COQ10B: variants seen among roughly 807,000 people sequenced by gnomAD.
COQ10B encodes coenzyme Q-binding protein COQ10 homolog B, mitochondrial.
Under a neutral mutation model 27.6 loss-of-function variants are expected in COQ10B, and 12 were observed. The ratio of observed to expected loss-of-function variants is 0.43; its 90% confidence interval spans 0.28 to 0.70. The LOEUF (loss-of-function observed/expected upper bound fraction) is 0.70, where lower values mean the gene tolerates loss of function less well. Ranked by LOEUF, COQ10B falls within the 30% of genes least tolerant of loss-of-function variation. The pLI is 0.17. For missense variants in COQ10B, 278 were observed against 288.7 expected, an observed-to-expected ratio of 0.96 and a Z score of 0.27; for synonymous variants, 115 against 103.0, an observed-to-expected ratio of 1.12 and a Z score of -0.71.
intron 1 of COQ10B, 120 bp downstream of exon 1, chr2:197,453,784 A>G: frequency 8.5e-6 from 9 of 1,054,812 alleles, no homozygotes; most frequent in Non-Finnish European, 1.1e-5. Flanking sequence ...GTGTCTTTAG[A>G]GGAGAAGGCT....
intron 1 of COQ10B, among the ~76,000 whole-genome samples, chr2:197,458,141 C>T (rs374845709): frequency 1.0e-4 from 15 of 144,602 alleles, no homozygotes; most frequent in East Asian, 1.0e-3. Context: ...TCTTTTGAGA[C>T]GGAGAATCAC....
At chr2:197,464,355 G>C (rs2085801403) in intron 3 of COQ10B, among the ~76,000 whole-genome samples, 1 of 151,968 alleles carries the variant, frequency 6.6e-6, no homozygotes. Flanking sequence ...ATAATTTCTT[G>C]GTAAGTGGCC....
At chr2:197,458,915 C>T (rs1199967779) in intron 1 of COQ10B, among the ~76,000 whole-genome samples, 4 of 152,020 alleles carry the variant, frequency 2.6e-5, no homozygotes, top group African/African-American at 9.7e-5. Context: ...TTCCTGACCT[C>T]GTGATCCACC....
intron 2 of COQ10B, among the ~76,000 whole-genome samples, chr2:197,460,408 G>T (rs1245755661): frequency 6.6e-6 from 1 of 151,986 alleles, no homozygotes; most frequent in Non-Finnish European, 1.5e-5. Context: ...GGCCAGGCTG[G>T]TCTCAACCTC....
chr2:197,470,081 T>A lies in COQ10B; in HGVS notation c.459T>A (p.Thr153=), dbSNP rs753845070. ...TCATTTTGTTGTAGGCATCTTGTACTGATGGGAGACTTTTCAATCATTTGG... is the reference window on the plus strand; with the variant it reads ...TCATTTTGTTGTAGGCATCTTGTACAGATGGGAGACTTTTCAATCATTTGG... The part of the protein sequence containing the change: ...VKPHLVKASC[T]DGRLFNHLET... Residue 153 remains threonine (T), a synonymous_variant, in exon 4 of 5, where the codon ACT becomes ACA. Coordinates refer to ENST00000263960, the MANE Select transcript of COQ10B (RefSeq NM_025147.5). 19 of 1,610,318 alleles carry A rather than the reference T, an allele frequency of 1.2e-5. No homozygotes were observed. The highest frequency in any genetic ancestry group is 3.3e-4 in the Middle Eastern group (2 of 6,076).
rs189288160 is a variant in COQ10B at position 197,469,639 on chromosome 2, A to G, written c.448-431A>G. ...TTTGAGTAGGAGATAAATGTGTACC[A>G]GGTACCTTATTAACATTTCAGTGAT... On this transcript the variant is annotated intron_variant, in intron 3 of 4. Transcript: ENST00000263960. Among the ~76,000 whole-genome samples the G allele has an allele frequency of 2.0e-5, 3 of 152,356 alleles. No individual in the cohort carries two copies. In the East Asian group the frequency reaches 5.8e-4, roughly 29 times the overall value.
chr2:197,462,346 G>A (rs1315497199), intron 2 of COQ10B, among the ~76,000 whole-genome samples, 193 bp from the exon 3 acceptor site: 1 of 151,654 alleles, frequency 6.6e-6, no homozygotes, highest in Non-Finnish European at 1.5e-5. Flanking sequence ...GCCATATCAT[G>A]TATGTGTTTA....
chr2:197,463,272 G>T (rs1191893512), intron 3 of COQ10B, among the ~76,000 whole-genome samples: 1 of 148,500 alleles, frequency 6.7e-6, no homozygotes, highest in Admixed American at 6.8e-5. Flanking sequence ...AGGAGTTCAA[G>T]ACCAGCCTGA....
chr2:197,473,593 G>A (rs1399428116), intron 4 of COQ10B, among the ~76,000 whole-genome samples, 164 bp from the exon 5 acceptor site: 12 of 148,284 alleles, frequency 8.1e-5, no homozygotes, highest in Non-Finnish European at 1.8e-4. Context: ...GACAGAGGTG[G>A]GAGGATTGCT....
intron 1 of COQ10B, among the ~76,000 whole-genome samples, chr2:197,458,577 G>A (rs2085724150): frequency 6.6e-6 from 1 of 152,056 alleles, no homozygotes; most frequent in African/African-American, 2.4e-5. Context: ...TAGGAGCTCA[G>A]TAAATATGTG....
chr2:197,466,997 G>A (rs150837944), intron 3 of COQ10B, among the ~76,000 whole-genome samples: 1 of 151,000 alleles, frequency 6.6e-6, no homozygotes, highest in East Asian at 1.9e-4. Flanking sequence ...CCAGGCTGGA[G>A]TGCAATGGCA....
intron 4 of COQ10B, among the ~76,000 whole-genome samples, chr2:197,470,467 A>G (rs2106057798): frequency 6.6e-6 from 1 of 152,346 alleles, no homozygotes; most frequent in South Asian, 2.1e-4. Context: ...TGCATATAAG[A>G]TGCAGAAACA....
intron 2 of COQ10B, among the ~76,000 whole-genome samples, chr2:197,460,817 G>C (rs542070721): frequency 5.9e-5 from 9 of 152,274 alleles, no homozygotes; most frequent in African/African-American, 2.2e-4. Flanking sequence ...ATTGTAGTCC[G>C]AAGGCAGACA....
At chr2:197,456,995 G>T (rs1191236064) in intron 1 of COQ10B, among the ~76,000 whole-genome samples, 1 of 151,800 alleles carries the variant, frequency 6.6e-6, no homozygotes, top group Non-Finnish European at 1.5e-5. Flanking sequence ...ACAAATGGGG[G>T]TGGTGGGGTG....
chr2:197,473,447 T>C (rs59253525), intron 4 of COQ10B, among the ~76,000 whole-genome samples: 5,075 of 57,142 alleles, frequency 0.089, 527 homozygotes, highest in South Asian at 0.17. Flanking sequence ...TATATACACA[T>C]ATATACATAT....
At position 197,473,906 on chromosome 2, in the gene COQ10B, T is replaced by C. The variant is rs976031820; in HGVS notation, c.699T>C (p.His233=). ...ATATACCTCGGGAGTTAATGCTTCA[T>C]GAAGTCCATCACACATAAAGGCAAA... ...ETNIPRELML[H]EVHHT The change falls in exon 5 of 5, where the codon CAT becomes CAC. Residue 233 remains histidine, a synonymous_variant. Transcript: ENST00000263960. 3 of 1,570,432 alleles carry C rather than the reference T, an allele frequency of 1.9e-6. No individual in the cohort carries two copies. The highest frequency in any genetic ancestry group is 2.6e-6 in the Non-Finnish European group (3 of 1,156,068).
At chr2:197,461,083 A>G (rs1014217205) in intron 2 of COQ10B, among the ~76,000 whole-genome samples, 3 of 152,090 alleles carry the variant, frequency 2.0e-5, no homozygotes, top group South Asian at 2.1e-4. Flanking sequence ...TGTTCTCCCT[A>G]TTTTTCTGTA....
In COQ10B at chr2:197,470,300, T is replaced by C. The variant is rs2085865305; in HGVS notation, c.549+129T>C. 2.9e-5 allele frequency: 17 copies of C among 576,764 alleles called. 1 individual carries two copies. The South Asian group carries it at 3.9e-4, about 13-fold the overall frequency. The allele number at this position is 576,764 out of a possible 1,614,324, so 35.7% of individuals were successfully genotyped here. On this transcript the variant is annotated intron_variant, in intron 4 of 4. Transcript: ENST00000263960. ...TTCTGCATAAATGCTAATGAACATT[T>C]CTTTTTTATTCTATTTCTTGCAACC...
Position 197,462,693 on chromosome 2 carries a change from A to G in COQ10B, c.409A>G (p.Thr137Ala), listed in dbSNP as rs149273005. 60 of 1,589,168 alleles carry G rather than the reference A, an allele frequency of 3.8e-5. No homozygotes were observed. Among genetic ancestry groups the G allele is most frequent in the Admixed American group, 1.9e-4 (10 of 54,012 alleles). The change falls in exon 3 of 5, where the codon ACA (threonine) becomes GCA (alanine). Residue 137 changes from threonine to alanine, a missense_variant. By Grantham distance (58) the Thr-to-Ala change is moderately conservative. Transcript: ENST00000263960. ...ATTTCCACCTGTGTTGGAGCGATAT[A>G]CATCAGTAGTAACCTTGGTGAAACC... The part of the protein sequence containing the change: ...IGFPPVLERY[T>A]SVVTLVKPHL...
Sources: gnomAD v4.1 joint callset for allele counts (sites outside exome capture counted in the v4.1 genomes callset) on GRCh38, gnomAD v4.1.1 for gene constraint, MANE v1.5 for transcripts, NCBI Gene and HGNC (gene_info 2026-07-23, HGNC 2026-07-21) for gene names.